The following NF1 variants were observed in gnomAD, a reference collection of about 807,000 sequenced individuals.
The protein encoded by NF1 is neurofibromin.
Under a neutral mutation model 325.7 loss-of-function variants are expected in NF1, and 122 were observed. The observed-to-expected ratio is 0.37, with a 90% CI of 0.32 to 0.44. The LOEUF (loss-of-function observed/expected upper bound fraction) is 0.44, where lower values mean the gene tolerates loss of function less well. NF1 is among the 20% of genes least tolerant of loss of function. NF1 has a pLI of 1.00. For synonymous variants in NF1, 1,091 were observed against 1,186.0 expected (o/e 0.92, Z 1.65); for missense variants, 2,140 against 3,415.4 (o/e 0.63, Z 9.31).
chr17:31,193,017 A>G (rs890477611), intron 8 of NF1, among the ~76,000 whole-genome samples: 1 of 152,088 alleles, frequency 6.6e-6, no homozygotes, highest in African/African-American at 2.4e-5. Context: ...TTTCTTTCCC[A>G]GGGACAGCCA....
At chr17:31,160,057 T>G (rs935581209) in intron 3 of NF1, among the ~76,000 whole-genome samples, 8 of 152,090 alleles carry the variant, frequency 5.3e-5, no homozygotes, top group African/African-American at 1.4e-4. Flanking sequence ...TAGGGAAGGC[T>G]GTAAGCGAAA....
At chr17:31,290,601 G>T (rs532702345) in intron 36 of NF1, among the ~76,000 whole-genome samples, 2 of 152,252 alleles carry the variant, frequency 1.3e-5, no homozygotes, top group Non-Finnish European at 1.5e-5. Flanking sequence ...CAGTTCTTCT[G>T]TGTACCTGTG....
At chr17:31,270,334 C>T (rs1236166366) in intron 36 of NF1, among the ~76,000 whole-genome samples, 2 of 152,138 alleles carry the variant, frequency 1.3e-5, no homozygotes, top group Admixed American at 1.3e-4. Context: ...AGTGGCCGGG[C>T]AAGGTGGCTC....
intron 29 of NF1, among the ~76,000 whole-genome samples, chr17:31,236,368 T>TC (rs2067204284): frequency 6.6e-6 from 1 of 152,150 alleles, no homozygotes; most frequent in Non-Finnish European, 1.5e-5. Context: ...ACTCACTTCT[T>TC]CTATGATGAG....
intron 20 of NF1, among the ~76,000 whole-genome samples, chr17:31,227,818 T>G (rs2067043447): frequency 6.6e-6 from 1 of 152,238 alleles, no homozygotes; most frequent in Admixed American, 6.5e-5. Flanking sequence ...TAATTAAAAT[T>G]AAATAAAATT....
chr17:31,214,236 A>G (rs1357710752), intron 12 of NF1, among the ~76,000 whole-genome samples: 1 of 152,164 alleles, frequency 6.6e-6, no homozygotes, highest in Non-Finnish European at 1.5e-5. Flanking sequence ...TGATAAAAAA[A>G]AATATAAATG....
chr17:31,320,588 C>A, intron 36 of NF1: 1 of 584,648 alleles, frequency 1.7e-6, no homozygotes. Flanking sequence ...ATGTAATAAA[C>A]AATGCTAACT....
At chr17:31,337,230 T>C in intron 42 of NF1, 138 bp from the exon 43 acceptor site, 2 of 748,470 alleles carry the variant, frequency 2.7e-6, no homozygotes, top group Non-Finnish European at 2.2e-6. Flanking sequence ...ACAATGTATC[T>C]AGAGGTTTGA....
Position 31,374,592 on chromosome 17 carries a change from T to A in NF1, c.*437T>A, listed in dbSNP as rs2070705747. The A allele has an allele frequency of 3.3e-6, 1 of 303,186 alleles. No individual in the cohort carries two copies. Among genetic ancestry groups the A allele is most frequent in the South Asian group, 5.8e-5 (1 of 17,266 alleles). The allele number at this position is 303,186 out of a possible 1,614,324, so 18.8% of individuals were successfully genotyped here. A position where few individuals can be genotyped will look rare whatever the true frequency, so the allele number is the denominator to read the frequency against. ...AGTCCTATTTATACATTTTTCAAGA[T>A]ACAAGTTTATGAGAGAAATAGTATT... On this transcript the variant is annotated 3_prime_UTR_variant, in exon 58 of 58. Transcript: ENST00000358273.
At chr17:31,145,149 C>G (rs182884182) in intron 1 of NF1, among the ~76,000 whole-genome samples, 2 of 152,138 alleles carry the variant, frequency 1.3e-5, no homozygotes. Flanking sequence ...CAACTACTGC[C>G]GTGAATGCTC....
Position 31,236,009 on chromosome 17 carries a change from T to C in NF1, c.3962T>C (p.Val1321Ala), listed in dbSNP as rs1060500337. The C allele has an allele frequency of 6.2e-7, 1 of 1,613,450 alleles. No individual in the cohort carries two copies. Among genetic ancestry groups the C allele is most frequent in the Admixed American group, 1.7e-5 (1 of 59,984 alleles). The part of the protein sequence containing the change: ...SSDWQHVSFE[V>A]DPTRLEPSES... Reference sequence around the variant, plus strand: ...GATTGGCAACATGTTAGCTTTGAAGTGGATCCTACCAGGTTTGTCATCTTT... The same window carrying C: ...GATTGGCAACATGTTAGCTTTGAAGCGGATCCTACCAGGTTTGTCATCTTT... Residue 1321 changes from valine to alanine, a missense_variant, in exon 29 of 58, where the codon GTG (valine) becomes GCG (alanine). Physicochemically the swap from Val to Ala is moderately conservative, Grantham distance 64 (BLOSUM62 0). This residue lies in a region of NF1 where 336 missense variants were observed against 399.0 expected (regional missense o/e 0.84). Transcript: ENST00000358273.
chr17:31,202,842 G>A (rs1052381752), intron 11 of NF1, among the ~76,000 whole-genome samples: 36 of 152,064 alleles, frequency 2.4e-4, no homozygotes, highest in African/African-American at 8.2e-4. Flanking sequence ...ATGAGCCAGG[G>A]CATTGTACCT....
At chr17:31,252,900 G>C (rs371061752) in intron 30 of NF1, 38 bp from the exon 31 acceptor site, 1 of 1,535,870 alleles carries the variant, frequency 6.5e-7, no homozygotes, top group Middle Eastern at 1.7e-4. Context: ...GTATGTAGTC[G>C]GTGCTGTGAC....
At chr17:31,319,420 C>T (rs7222606) in intron 36 of NF1, among the ~76,000 whole-genome samples, 2 of 151,674 alleles carry the variant, frequency 1.3e-5, no homozygotes, top group African/African-American at 4.8e-5. Flanking sequence ...ACTACCCACC[C>T]TCTAACCTGT....
chr17:31,095,480 G>A, intron 1 of NF1, 111 bp downstream of exon 1: 1 of 983,794 alleles, frequency 1.0e-6, no homozygotes, highest in Non-Finnish European at 1.4e-6. Context: ...GGCTCTGGAG[G>A]AAAGGAAGGG....
intron 2 of NF1, among the ~76,000 whole-genome samples, chr17:31,156,340 A>C (rs746383172): frequency 3.9e-5 from 6 of 152,182 alleles, no homozygotes; most frequent in South Asian, 2.1e-4. Context: ...GAGCACAAGT[A>C]ACTGTAACTT....
rs7350943 is a variant in NF1 at position 31,357,535 on chromosome 17, C to T, written c.7970+166C>T. 357,009 of 648,580 alleles carry T rather than the reference C, an allele frequency of 0.55. 103,990 individuals are homozygous for T. Among genetic ancestry groups the T allele is most frequent in the Middle Eastern group, 0.63 (2,437 of 3,860 alleles). The allele number at this position is 648,580 out of a possible 1,614,324, so 40.2% of individuals were successfully genotyped here. ...GAGGGTTAAGATTAGTTTTGACCTA[C>T]TAGATCTATTAGAAAGTTTATAAGG... is the stretch of plus-strand genomic sequence containing the variant. On this transcript the variant is annotated intron_variant, in intron 54 of 57. Coordinates refer to ENST00000358273, the MANE Select transcript of NF1 (RefSeq NM_001042492.3).
chr17:31,261,611 G>A lies in NF1; in HGVS notation c.4578-100G>A, dbSNP rs2067686898. 4 of 1,278,654 alleles carry A rather than the reference G, an allele frequency of 3.1e-6. No individual in the cohort carries two copies. The African/African-American group carries it at 4.4e-5, about 14-fold the overall frequency. 79.2% of individuals were successfully genotyped at this position (1,278,654 alleles called of 1,614,324 possible). A position where few individuals can be genotyped will look rare whatever the true frequency, so the allele number is the denominator to read the frequency against. On this transcript the variant is annotated intron_variant, in intron 34 of 57. Transcript: ENST00000358273. ...TCTTTTTGGTGCTGTTTACAAATCA[G>A]CTGACAGTAAAAGGAAAAGCAACCA...
intron 36 of NF1, among the ~76,000 whole-genome samples, chr17:31,266,644 CAT>C (rs1409621866): frequency 6.6e-6 from 1 of 152,048 alleles, no homozygotes; most frequent in African/African-American, 2.4e-5. Flanking sequence ...AAAAAGCAAA[CAT>C]TGGTAAGGGA....
Sources: allele counts gnomAD v4.1 joint callset (sites outside exome capture counted in the v4.1 genomes callset), GRCh38; gene constraint gnomAD v4.1.1; regional missense constraint gnomAD v4.1.1; transcripts MANE v1.5; gene names NCBI Gene and HGNC (gene_info 2026-07-23, HGNC 2026-07-21).